Variants in IMMT observed in about 807,000 individuals in gnomAD.
IMMT encodes MICOS complex subunit MIC60.
A neutral mutation model predicts 92.7 loss-of-function variants in IMMT; 40 were observed. The ratio of observed to expected loss-of-function variants is 0.43; its 90% CI spans 0.34 to 0.56. The LOEUF (loss-of-function observed/expected upper bound fraction) is 0.56, where lower values mean the gene tolerates loss of function less well. Ranked by LOEUF, IMMT falls within the 20% of genes least tolerant of loss-of-function variation. The pLI, the probability that IMMT is intolerant of heterozygous loss-of-function variation, is 0.03. For missense variants in IMMT, 831 were observed against 912.1 expected (o/e 0.91, Z 1.14); for synonymous variants, 322 against 336.1 (o/e 0.96, Z 0.46).
chr2:86,170,704 T>C lies in IMMT; in HGVS notation c.655+45A>G, dbSNP rs757777646. Reference sequence around the variant, plus strand: ...GCTGATAGTTTAAGAAGAGAGCAACTGGGAGATGACCCAAAATCCTTAAGA... The same window carrying C: ...GCTGATAGTTTAAGAAGAGAGCAACCGGGAGATGACCCAAAATCCTTAAGA... On this transcript the variant is annotated intron_variant, in intron 6 of 14. Transcript: ENST00000410111. 2.5e-5 allele frequency: 32 copies of C among 1,269,420 alleles called. No homozygotes were observed. In the African/African-American group the frequency reaches 4.3e-4, roughly 17 times the overall value. The allele number at this position is 1,269,420 out of a possible 1,614,324, so 78.6% of individuals were successfully genotyped here. A position where few individuals can be genotyped will look rare whatever the true frequency, so the allele number is the denominator to read the frequency against.
rs1674840888 is a variant in IMMT, at chr2:86,144,489, T to G, written c.2056A>C (p.Asn686His). The G allele has an allele frequency of 1.2e-6, 2 of 1,613,944 alleles. No homozygotes were observed. Among genetic ancestry groups the G allele is most frequent in the East Asian group, 2.2e-5 (1 of 44,884 alleles). ...GCATATGACAGTAATTTAAATGTGTTTATATCCTCAGGGCAGAGCTCTGGG... is the reference window on the plus strand; with the variant it reads ...GCATATGACAGTAATTTAAATGTGTGTATATCCTCAGGGCAGAGCTCTGGG... The part of the protein sequence containing the change: ...PPPELCPEDI[N>H]TFKLLSYASY... The change falls in exon 15 of 15, where the codon AAC becomes CAC. Residue 686 changes from asparagine to histidine, a missense_variant. Transcript: ENST00000410111.
chr2:86,157,807 A>AAG (rs1675965402), intron 10 of IMMT, among the ~76,000 whole-genome samples: 1 of 150,100 alleles, frequency 6.7e-6, no homozygotes, highest in Non-Finnish European at 1.5e-5. Context: ...AAAAAAAGAA[A>AAG]AAAAAAAAAA....
chr2:86,193,612 A>G (rs1333236625), intron 1 of IMMT, among the ~76,000 whole-genome samples: 2 of 152,146 alleles, frequency 1.3e-5, no homozygotes, highest in Admixed American at 1.3e-4. Flanking sequence ...TTCGAGGTAC[A>G]AAGCAGAAGC....
intron 12 of IMMT, among the ~76,000 whole-genome samples, chr2:86,148,289 A>G (rs1012184629): frequency 4.6e-5 from 7 of 152,224 alleles, no homozygotes; most frequent in African/African-American, 1.7e-4. Flanking sequence ...TTTGTGAGTA[A>G]TAATGCCTAC....
chr2:86,195,199 C>T, intron 1 of IMMT, 139 bp downstream of exon 1: 2 of 911,890 alleles, frequency 2.2e-6, no homozygotes, highest in Non-Finnish European at 3.2e-6. Flanking sequence ...CCTAGCTGCC[C>T]GCCCGGGCCT....
chr2:86,173,730 A>C lies in IMMT; in HGVS notation c.341T>G (p.Val114Gly). Residue 114 changes from valine (V) to glycine (G), a missense_variant, in exon 4 of 15, where the codon GTA becomes GGA. Transcript: ENST00000410111. ...IQSGPLKISSVSEVMKESKQP... is the reference protein window; with the variant it reads ...IQSGPLKISSGSEVMKESKQP... ...TTTAGATTCTTTCATTACTTCTGATACACTAGAGATTTTTAGTGGACCCGA... is the reference window on the plus strand; with the variant it reads ...TTTAGATTCTTTCATTACTTCTGATCCACTAGAGATTTTTAGTGGACCCGA... The C allele has an allele frequency of 1.2e-6, 2 of 1,605,172 alleles. No homozygotes were observed. Among genetic ancestry groups the C allele is most frequent in the South Asian group, 2.2e-5 (2 of 90,312 alleles).
chr2:86,167,548 C>T (rs1200866362), intron 6 of IMMT, among the ~76,000 whole-genome samples: 4 of 142,220 alleles, frequency 2.8e-5, no homozygotes, highest in Non-Finnish European at 6.0e-5. Context: ...GCAGTGGCAC[C>T]GTCTCAGTTC....
chr2:86,151,838 C>A (rs1300188937), intron 11 of IMMT, among the ~76,000 whole-genome samples: 1 of 152,180 alleles, frequency 6.6e-6, no homozygotes, highest in Non-Finnish European at 1.5e-5. Context: ...CTTATATATA[C>A]AATCACTTCT....
rs1162971250 is a variant in IMMT at position 86,144,806 on chromosome 2, A to G, written c.1739T>C (p.Met580Thr). The change falls in exon 15 of 15, where the codon ATG becomes ACG. Residue 580 changes from methionine to threonine, a missense_variant. Transcript: ENST00000410111. ...WLSVEALKYSMKTSSAETPTI... is the reference protein window; with the variant it reads ...WLSVEALKYSTKTSSAETPTI... The stretch of plus-strand genomic sequence containing the variant: ...AGGTGTTTCTGCAGATGAGGTCTTC[A>G]TGCTGTACTTTAATGCCTCCACTGA... The G allele has an allele frequency of 1.9e-6, 3 of 1,612,744 alleles. No homozygotes were observed. In the Admixed American group the frequency reaches 5.0e-5, roughly 27 times the overall value.
chr2:86,164,051 C>CTTTTTTT (rs1333229562), intron 7 of IMMT, among the ~76,000 whole-genome samples: 2 of 83,054 alleles, frequency 2.4e-5, no homozygotes, highest in African/African-American at 7.7e-5. Context: ...CCACTTTAGT[C>CTTTTTTT]ATTTTTTTTT....
At chr2:86,156,822 C>T (rs1158426815) in intron 10 of IMMT, among the ~76,000 whole-genome samples, 1 of 152,048 alleles carries the variant, frequency 6.6e-6, no homozygotes, top group Non-Finnish European at 1.5e-5. Context: ...CCACTGGAGA[C>T]TCCCTACTAC....
chr2:86,168,748 GA>G (rs1676892154), intron 6 of IMMT, among the ~76,000 whole-genome samples: 1 of 152,144 alleles, frequency 6.6e-6, no homozygotes, highest in African/African-American at 2.4e-5. Context: ...GGAATCTGAG[GA>G]ACTACAAATG....
intron 1 of IMMT, among the ~76,000 whole-genome samples, chr2:86,194,244 T>C (rs1673373978): frequency 6.6e-6 from 1 of 152,264 alleles, no homozygotes; most frequent in African/African-American, 2.4e-5. Context: ...TGCAGCCTTA[T>C]GTGACCTGGA....
chr2:86,158,908 GCCCTTTCC>G (rs1676062647), intron 9 of IMMT, among the ~76,000 whole-genome samples, 187 bp from the exon 10 acceptor site: 1 of 151,882 alleles, frequency 6.6e-6, no homozygotes. Flanking sequence ...CCATGGACAG[GCCCTTTCC>G]CATCTTACTA....
At chr2:86,153,781 T>C (rs1675656909) in intron 10 of IMMT, among the ~76,000 whole-genome samples, 1 of 152,250 alleles carries the variant, frequency 6.6e-6, no homozygotes, top group Non-Finnish European at 1.5e-5. Flanking sequence ...AATAACATTT[T>C]AGAAAATAAA....
At chr2:86,144,912 T>G in intron 14 of IMMT, 31 bp from the exon 15 acceptor site, 1 of 1,554,236 alleles carries the variant, frequency 6.4e-7, no homozygotes, top group South Asian at 1.2e-5. Flanking sequence ...AGCCAAACAT[T>G]TTTCTCTCCA....
chr2:86,155,103 T>C (rs1044446343), intron 10 of IMMT, among the ~76,000 whole-genome samples: 1 of 152,076 alleles, frequency 6.6e-6, no homozygotes. Context: ...CCTCAGGCAA[T>C]CCACCCACCT....
intron 11 of IMMT, 89 bp downstream of exon 11, chr2:86,153,471 G>A (rs1675629828): frequency 3.0e-6 from 2 of 661,784 alleles, no homozygotes; most frequent in Non-Finnish European, 4.9e-6. Flanking sequence ...AGATGGCTTT[G>A]TGTAAGAATC....
At chr2:86,176,417 T>C (rs1677431143) in intron 3 of IMMT, among the ~76,000 whole-genome samples, 1 of 152,080 alleles carries the variant, frequency 6.6e-6, no homozygotes, top group South Asian at 2.1e-4. Flanking sequence ...GGGAGGAAGA[T>C]GGGAAAGACT....
Sources: gnomAD v4.1 joint callset for allele counts (sites outside exome capture counted in the v4.1 genomes callset) on GRCh38, gnomAD v4.1.1 for gene constraint, MANE v1.5 for transcripts, NCBI Gene and HGNC (gene_info 2026-07-23, HGNC 2026-07-21) for gene names.